CREB5: variants seen among roughly 807,000 people sequenced by gnomAD.
The protein encoded by CREB5 is cAMP responsive element binding protein 5, also known as cyclic AMP-responsive element-binding protein 5.
Under a neutral mutation model 57.1 loss-of-function variants are expected in CREB5, and 19 were observed. The observed-to-expected ratio is 0.33, with a 90% CI of 0.23 to 0.49. CREB5 has a LOEUF of 0.49. Ranked by LOEUF, CREB5 falls within the 20% of genes least tolerant of loss-of-function variation. CREB5 has a pLI of 0.99. For missense variants in CREB5, 579 were observed against 671.6 expected (o/e 0.86, Z 1.52); for synonymous variants, 238 against 238.3 (o/e 1.00, Z 0.01).
chr7:28,810,568 T>A (rs1321301194), intron 9 of CREB5, among the ~76,000 whole-genome samples: 1 of 152,026 alleles, frequency 6.6e-6, no homozygotes, highest in Non-Finnish European at 1.5e-5. Flanking sequence ...TGGTGGTGCA[T>A]TCCTGTAGTC....
intron 7 of CREB5, among the ~76,000 whole-genome samples, chr7:28,779,777 C>T (rs947929692): frequency 6.6e-6 from 1 of 152,122 alleles, no homozygotes; most frequent in Non-Finnish European, 1.5e-5. Flanking sequence ...ATAACCCACC[C>T]AAATTCCAAA....
intron 2 of CREB5, 23 bp from the exon 3 acceptor site, chr7:28,494,883 C>CT (rs3216916): frequency 0.62 from 787,985 of 1,277,172 alleles, 219,299 homozygotes; most frequent in African/African-American, 0.78. Context: ...TCTCCCCTCC[C>CT]TTTTTTTTTA....
intron 5 of CREB5, among the ~76,000 whole-genome samples, chr7:28,671,296 GT>G (rs1800029476): frequency 6.6e-6 from 1 of 151,806 alleles, no homozygotes. Flanking sequence ...AATTGGTTGA[GT>G]TTTTTTAGTG....
intron 9 of CREB5, among the ~76,000 whole-genome samples, chr7:28,814,483 A>G (rs1809305590): frequency 6.6e-6 from 1 of 152,230 alleles, no homozygotes; most frequent in South Asian, 2.1e-4. Flanking sequence ...ACTAAGATTT[A>G]GAAGCATAAG....
intron 4 of CREB5, among the ~76,000 whole-genome samples, chr7:28,552,398 G>A (rs181114940): frequency 6.5e-4 from 99 of 152,120 alleles, no homozygotes; most frequent in Non-Finnish European, 1.1e-3. Flanking sequence ...TGTTATTATC[G>A]AGGCCATCCC....
At chr7:28,435,546 T>G in intron 1 of CREB5, 1 of 802,090 alleles carries the variant, frequency 1.2e-6, no homozygotes, top group South Asian at 5.7e-5. Flanking sequence ...CTCTTAAATT[T>G]AAGTGTCAGC....
At chr7:28,576,271 T>G (rs1795906177) in intron 5 of CREB5, among the ~76,000 whole-genome samples, 1 of 152,252 alleles carries the variant, frequency 6.6e-6, no homozygotes, top group South Asian at 2.1e-4. Flanking sequence ...TAATATTTAT[T>G]CAGGATCTAC....
rs565521438 is a variant in CREB5 at position 28,795,727 on chromosome 7, CATAAA to C, written c.703-8464_703-8460del. Among the ~76,000 whole-genome samples, 909 of 150,826 alleles carry C rather than the reference CATAAA, an allele frequency of 6.0e-3. 11 individuals are homozygous for C. The highest frequency in any genetic ancestry group is 0.021 in the African/African-American group (855 of 41,082). ...ATTGTTTAAATTGAGGTAGAATCCA[CATAAA>C]ATAAAATTAACTGTTTTTCTTTCTT... On this transcript the variant is annotated intron_variant, in intron 7 of 10. Transcript: ENST00000357727.
At chr7:28,656,329 T>A (rs965689754) in intron 5 of CREB5, among the ~76,000 whole-genome samples, 42 of 152,316 alleles carry the variant, frequency 2.8e-4, no homozygotes, top group African/African-American at 9.6e-4. Context: ...CTAAGAAGAT[T>A]AAACATACCA....
intron 5 of CREB5, among the ~76,000 whole-genome samples, chr7:28,649,580 C>T (rs1011999024): frequency 6.6e-6 from 1 of 152,202 alleles, no homozygotes; most frequent in Non-Finnish European, 1.5e-5. Flanking sequence ...TCCAAGCCAC[C>T]AGAGAGTATT....
intron 5 of CREB5, among the ~76,000 whole-genome samples, chr7:28,610,858 G>GT (rs1328094207): frequency 6.6e-6 from 1 of 151,534 alleles, no homozygotes; most frequent in Non-Finnish European, 1.5e-5. Context: ...GTTTTGTTTT[G>GT]TTTTTTGTTC....
chr7:28,394,070 CAAAAAAAAAAAAAAAAAAAAAA>C (rs56166148), intron 1 of CREB5, among the ~76,000 whole-genome samples: 2 of 53,014 alleles, frequency 3.8e-5, no homozygotes, highest in African/African-American at 2.1e-4. Flanking sequence ...GACTCTGTCT[CAAAAAAAAAAAAAAAAAAAAAA>C]AAAAAAAAAA....
rs3041002 is a variant in CREB5 at position 28,353,842 on chromosome 7, C to CA, written c.-25+54414dup. Among the ~76,000 whole-genome samples, 1,265 of 137,520 alleles carry CA rather than the reference C, an allele frequency of 9.2e-3. 29 individuals carry two copies. The highest frequency in any genetic ancestry group is 0.025 in the African/African-American group (899 of 36,276). 90.2% of individuals were successfully genotyped at this position (137,520 alleles called of 152,430 possible). ...TGGGGAACAAAGCAAGACTCCATCTCAAAAAAAAAAAAATGAGAGAATGGG... is the reference window on the plus strand; with the variant it reads ...TGGGGAACAAAGCAAGACTCCATCTCAAAAAAAAAAAAAATGAGAGAATGGG... On this transcript the variant is annotated intron_variant, in intron 1 of 9. Coordinates refer to the CREB5 transcript ENST00000396299.
In CREB5 at chr7:28,820,781, C is replaced by CTT. The variant is rs1809722187; in HGVS notation, c.*1505_*1506dup. On this transcript the variant is annotated 3_prime_UTR_variant, in exon 11 of 11. Transcript: ENST00000357727. Reference sequence around the variant, plus strand: ...ACCATGCCTGGCTAATTTATTTTTACTTTTATTTTAAAATAAAAGATGAGG... The same window carrying CTT: ...ACCATGCCTGGCTAATTTATTTTTACTTTTTTATTTTAAAATAAAAGATGAGG... The CTT allele has an allele frequency of 6.6e-6, 1 of 152,010 alleles. No homozygotes were observed. Among genetic ancestry groups the CTT allele is most frequent in the Admixed American group, 6.6e-5 (1 of 15,234 alleles). The allele number at this position is 152,010 out of a possible 1,614,324, so 9.4% of individuals were successfully genotyped here.
chr7:28,741,605 T>G (rs554004021), intron 7 of CREB5, among the ~76,000 whole-genome samples: 1 of 152,334 alleles, frequency 6.6e-6, no homozygotes, highest in South Asian at 2.1e-4. Context: ...TTTCTCTTCT[T>G]TTATTACCAT....
intron 5 of CREB5, among the ~76,000 whole-genome samples, chr7:28,574,425 C>T (rs1795826962): frequency 6.6e-6 from 1 of 152,304 alleles, no homozygotes; most frequent in Non-Finnish European, 1.5e-5. Context: ...CTCTTTGTTT[C>T]TTATCATCTA....
At chr7:28,627,048 T>A (rs1798021689) in intron 5 of CREB5, among the ~76,000 whole-genome samples, 1 of 152,230 alleles carries the variant, frequency 6.6e-6, no homozygotes, top group Admixed American at 6.5e-5. Flanking sequence ...TCTAATTTCC[T>A]AAAATTTCTC....
intron 5 of CREB5, among the ~76,000 whole-genome samples, chr7:28,660,179 A>G (rs1201566537): frequency 6.6e-6 from 1 of 152,212 alleles, no homozygotes; most frequent in African/African-American, 2.4e-5. Flanking sequence ...CTTATCTATA[A>G]AAACAAAGAC....
At chr7:28,700,462 C>G (rs1196196873) in intron 5 of CREB5, among the ~76,000 whole-genome samples, 4 of 152,156 alleles carry the variant, frequency 2.6e-5, no homozygotes, top group African/African-American at 9.7e-5. Flanking sequence ...TCACGCTAGG[C>G]TCTCAGCACA....
Sources: gnomAD v4.1 joint callset for allele counts (sites outside exome capture counted in the v4.1 genomes callset) on GRCh38, gnomAD v4.1.1 for gene constraint, MANE v1.5 for transcripts, NCBI Gene and HGNC (gene_info 2026-07-23, HGNC 2026-07-21) for gene names.